Variants in SETD5 observed in about 807,000 individuals in gnomAD.
SETD5 encodes the protein SET domain containing 5.
Under a neutral mutation model 153.3 loss-of-function variants are expected in SETD5, and 44 were observed. The ratio of observed to expected loss-of-function variants is 0.29; its 90% CI spans 0.23 to 0.37. SETD5 has a LOEUF of 0.37. Among genes scored for constraint, SETD5 ranks in the 10% least tolerant of loss-of-function variants. The pLI is 1.00. For missense variants in SETD5, 1,544 were observed against 1,768.0 expected (o/e 0.87, Z 2.27); for synonymous variants, 716 against 645.2 (o/e 1.11, Z -1.66).
chr3:9,399,188 A>G lies in SETD5; in HGVS notation c.-177+1211A>G, dbSNP rs553989581. Among the ~76,000 whole-genome samples, 9 of 152,358 alleles carry G rather than the reference A, an allele frequency of 5.9e-5. No individual in the cohort carries two copies. The South Asian group carries it at 1.7e-3, about 28-fold the overall frequency. ...TCATATTTACATTTCTTTGTTGGAC[A>G]GATGTTACATAGCTATACTTGTGAT... On this transcript the variant is annotated intron_variant, in intron 1 of 22. Transcript: ENST00000402198.
chr3:9,459,261 A>G, intron 17 of SETD5, among the ~76,000 whole-genome samples: 1 of 152,240 alleles, frequency 6.6e-6, no homozygotes, highest in East Asian at 1.9e-4. Context: ...CAAAAACTAT[A>G]GGTTAAAAAT....
rs2045756988 is a variant in SETD5, at chr3:9,475,419, A to G, written c.3721-64A>G. On this transcript the variant is annotated intron_variant, in intron 22 of 22. Transcript: ENST00000402198. ...GAAAAAAGAATGTAGGGTATTATAA[A>G]TGTTCACCAGCCATTTAAGGGACTT... is the stretch of plus-strand genomic sequence containing the variant. 7 of 1,545,190 alleles carry G rather than the reference A, an allele frequency of 4.5e-6. No homozygotes were observed. In the Admixed American group the frequency reaches 1.2e-4, roughly 27 times the overall value.
In SETD5 at chr3:9,467,193, C is replaced by G. The variant is rs570699430; in HGVS notation, c.2724+2521C>G. ...CCAGCCTGGGCAACAGAGGGAGACT[C>G]TCTCTCAAAAAAAAAAAAAAAAAAA... On this transcript the variant is annotated intron_variant, in intron 18 of 22. Coordinates refer to ENST00000402198, the MANE Select transcript of SETD5 (RefSeq NM_001080517.3). 3.6e-5 allele frequency among the ~76,000 whole-genome samples: 4 copies of G among 112,348 alleles called. No homozygotes were observed. The East Asian group carries it at 8.8e-4, about 25-fold the overall frequency. 73.7% of individuals were successfully genotyped at this position (112,348 alleles called of 152,430 possible).
At chr3:9,420,359 G>GT (rs533416624) in intron 1 of SETD5, among the ~76,000 whole-genome samples, 1 of 152,064 alleles carries the variant, frequency 6.6e-6, no homozygotes, top group African/African-American at 2.4e-5. Flanking sequence ...TAATTATGAA[G>GT]TTTTTTACGG....
chr3:9,469,038 A>G (rs1355919563), intron 18 of SETD5, among the ~76,000 whole-genome samples: 2 of 152,162 alleles, frequency 1.3e-5, no homozygotes, highest in Admixed American at 6.5e-5. Context: ...TCTGTAAACC[A>G]GATGTTTTGA....
intron 3 of SETD5, chr3:9,432,204 A>T: frequency 1.3e-6 from 1 of 770,158 alleles, no homozygotes; most frequent in South Asian, 5.9e-5. Flanking sequence ...ACTTTTAAGT[A>T]ATAAAATGCA....
chr3:9,434,588 A>G lies in SETD5; in HGVS notation c.329+103A>G. The G allele has an allele frequency of 1.9e-6, 3 of 1,540,500 alleles. No homozygotes were observed. Among genetic ancestry groups the G allele is most frequent in the Non-Finnish European group, 2.6e-6 (3 of 1,143,258 alleles). On this transcript the variant is annotated intron_variant, in intron 5 of 22. Coordinates refer to ENST00000402198, the MANE Select transcript of SETD5 (RefSeq NM_001080517.3). The surrounding 1 kb of genome is among the most constrained non-coding windows in gnomAD (Gnocchi z 5.6). ...TATTCTTTCTTGTGTTTGTTAATGT[A>G]GATGATTCCTTAGTGCTCCTTGGCT...
chr3:9,460,467 TTGAA>T lies in SETD5; in HGVS notation c.2477-3954_2477-3951del, dbSNP rs2043823521. On this transcript the variant is annotated intron_variant, in intron 17 of 22. Coordinates refer to ENST00000402198, the MANE Select transcript of SETD5 (RefSeq NM_001080517.3). ...TTTTTTAATAGTATGAGCATGGTCA[TTGAA>T]TGACTTCTATAGTTCATTGCTAGAA... is the stretch of plus-strand genomic sequence containing the variant. Among the ~76,000 whole-genome samples, 9 of 151,962 alleles carry T rather than the reference TTGAA, an allele frequency of 5.9e-5. No individual in the cohort carries two copies. In the East Asian group the frequency reaches 1.7e-3, roughly 29 times the overall value.
intron 19 of SETD5, among the ~76,000 whole-genome samples, chr3:9,473,025 C>A (rs557081054): frequency 2.0e-5 from 3 of 152,272 alleles, no homozygotes; most frequent in South Asian, 2.1e-4. Context: ...CTTCCTCTTA[C>A]CAATTTCCAG....
At chr3:9,444,754 G>A (rs1160152929) in intron 11 of SETD5, among the ~76,000 whole-genome samples, 1 of 152,052 alleles carries the variant, frequency 6.6e-6, no homozygotes, top group Non-Finnish European at 1.5e-5. Flanking sequence ...AGCTGGGCGT[G>A]TAGTCCCAGC....
chr3:9,445,726 G>T lies in SETD5; in HGVS notation c.1510G>T (p.Ala504Ser), dbSNP rs1360067428. The change falls in exon 13 of 23, where the codon GCT becomes TCT. Residue 504 changes from alanine to serine, a missense_variant. Coordinates refer to ENST00000402198, the MANE Select transcript of SETD5 (RefSeq NM_001080517.3). ...EEVIDDQENL[A>S]HSRRTREDRK... Reference sequence around the variant, plus strand: ...GGTTATAGATGACCAGGAGAACCTAGCTCATAGCAGGAGGGTGAGTACTGT... The same window carrying T: ...GGTTATAGATGACCAGGAGAACCTATCTCATAGCAGGAGGGTGAGTACTGT... 1 of 1,612,746 alleles carries T rather than the reference G, an allele frequency of 6.2e-7. No homozygotes were observed. The highest frequency in any genetic ancestry group is 8.5e-7 in the Non-Finnish European group (1 of 1,179,324).
intron 14 of SETD5, 27 bp from the exon 15 acceptor site, chr3:9,447,658 TA>T (rs1224983309): frequency 1.9e-6 from 3 of 1,570,994 alleles, no homozygotes; most frequent in Non-Finnish European, 2.6e-6. Context: ...ACATTTCTGG[TA>T]AGCATCTGAC....
chr3:9,453,937 A>G lies in SETD5; in HGVS notation c.2476+69A>G, dbSNP rs868669559. 7.7e-6 allele frequency: 11 copies of G among 1,428,160 alleles called. 1 individual carries two copies. In the Middle Eastern group the frequency reaches 9.3e-4, roughly 121 times the overall value. The allele number at this position is 1,428,160 out of a possible 1,614,324, so 88.5% of individuals were successfully genotyped here. On this transcript the variant is annotated intron_variant, in intron 17 of 22. Transcript: ENST00000402198. ...TCAGGTCTGCATAAAAAATTTAAGT[A>G]TGAGTATTTCTGATACAAAAAGAAA...
At chr3:9,417,517 G>A (rs917364266) in intron 1 of SETD5, among the ~76,000 whole-genome samples, 6 of 146,456 alleles carry the variant, frequency 4.1e-5, no homozygotes, top group African/African-American at 7.7e-5. Flanking sequence ...ACGGAGTCTC[G>A]CTCTATCGCC....
chr3:9,407,110 C>G (rs1266349624), intron 1 of SETD5, among the ~76,000 whole-genome samples: 1 of 152,152 alleles, frequency 6.6e-6, no homozygotes, highest in East Asian at 1.9e-4. Context: ...GGTGGATCAC[C>G]TTAGGTCAGG....
At chr3:9,461,238 A>G (rs1051607410) in intron 17 of SETD5, among the ~76,000 whole-genome samples, 11 of 152,302 alleles carry the variant, frequency 7.2e-5, no homozygotes, top group Middle Eastern at 3.4e-3. Context: ...CATTTGTTCT[A>G]ATAGCAAAAA....
chr3:9,429,892 C>T (rs545736067), intron 3 of SETD5: 3 of 1,303,822 alleles, frequency 2.3e-6, no homozygotes, highest in South Asian at 1.2e-5. Flanking sequence ...GAAAGTCCAG[C>T]GAAAGAGACC....
At chr3:9,406,398 G>A (rs1009042930) in intron 1 of SETD5, among the ~76,000 whole-genome samples, 7 of 152,110 alleles carry the variant, frequency 4.6e-5, no homozygotes, top group Non-Finnish European at 1.0e-4. Context: ...GCCCATGGAA[G>A]TATGTGTTTA....
intron 14 of SETD5, 98 bp downstream of exon 14, chr3:9,447,405 C>T: frequency 1.4e-6 from 2 of 1,465,940 alleles, no homozygotes; most frequent in African/African-American, 2.8e-5. Context: ...TTCAGCTTTG[C>T]TCCATATCAC....
Sources: gnomAD v4.1 joint callset for allele counts (sites outside exome capture counted in the v4.1 genomes callset) on GRCh38, gnomAD v4.1.1 for gene constraint, Gnocchi (gnomAD v3.1) non-coding constraint, MANE v1.5 for transcripts, NCBI Gene and HGNC (gene_info 2026-07-23, HGNC 2026-07-21) for gene names.